VWA3B: variants seen among roughly 807,000 people sequenced by gnomAD.
VWA3B encodes the protein von Willebrand factor A domain-containing protein 3B.
In VWA3B, 138 loss-of-function variants were observed where a neutral mutation model predicts 158.3. The ratio of observed to expected loss-of-function variants is 0.87; its 90% CI spans 0.76 to 1.00. The LOEUF is 1.00. Ranked by LOEUF, VWA3B falls within the 50% of genes least tolerant of loss-of-function variation. VWA3B has a pLI of 0.00. For missense variants in VWA3B, 1,555 were observed against 1,565.1 expected (o/e 0.99, Z 0.11); for synonymous variants, 596 against 587.3 (o/e 1.01, Z -0.21).
At chr2:98,110,964 T>TAG (rs986362243) in intron 2 of VWA3B, among the ~76,000 whole-genome samples, 2 of 152,236 alleles carry the variant, frequency 1.3e-5, no homozygotes, top group Non-Finnish European at 2.9e-5. Flanking sequence ...AAGATGTGAC[T>TAG]TGCTCCTCCT....
chr2:98,282,081 G>A (rs1468057898), intron 22 of VWA3B, among the ~76,000 whole-genome samples: 4 of 152,120 alleles, frequency 2.6e-5, no homozygotes, highest in Admixed American at 2.6e-4. Flanking sequence ...TTAACTGTAC[G>A]GCACCCCGAA....
rs773995335 is a variant in VWA3B at position 98,300,194 on chromosome 2, T to C, written c.3398T>C (p.Val1133Ala). 6.2e-7 allele frequency: 1 copy of C among 1,614,186 alleles called. No individual in the cohort carries two copies. Among genetic ancestry groups the C allele is most frequent in the African/African-American group, 1.3e-5 (1 of 75,028 alleles). ...GTGGCCACAGAAAAATTCTACACAG[T>C]TTTGAAGTGTAACAACCGGAGAGTA... ...KHVATEKFYT[V>A]LKCNNRREFC... The change falls in exon 25 of 28, where the codon GTT (valine) becomes GCT (alanine). Residue 1133 changes from valine (V) to alanine (A), a missense_variant. Transcript: ENST00000477737.
intron 8 of VWA3B, among the ~76,000 whole-genome samples, chr2:98,174,221 A>G (rs1345106965): frequency 6.6e-6 from 1 of 152,336 alleles, no homozygotes; most frequent in East Asian, 1.9e-4. Flanking sequence ...ATTAAATCTC[A>G]GTAAGAATAG....
At chr2:98,087,467 C>T (rs570376764) in intron 1 of VWA3B, 104 bp downstream of exon 1, 1 of 152,370 alleles carries the variant, frequency 6.6e-6, no homozygotes, top group South Asian at 2.1e-4. Flanking sequence ...CTGAGGTGGA[C>T]TACACGCCCA....
chr2:98,313,819 A>G (rs904102923), downstream of VWA3B, among the ~76,000 whole-genome samples: 3 of 152,112 alleles, frequency 2.0e-5, no homozygotes, highest in Admixed American at 2.0e-4. Context: ...AAATATATAC[A>G]ATGCTAGTTG....
intron 8 of VWA3B, among the ~76,000 whole-genome samples, chr2:98,176,062 T>A (rs1679989880): frequency 6.6e-6 from 1 of 152,200 alleles, no homozygotes. Context: ...CAGATTGGGA[T>A]GGGCTTCATC....
chr2:98,309,844 G>T (rs1164170971), intron 26 of VWA3B, among the ~76,000 whole-genome samples: 1 of 152,150 alleles, frequency 6.6e-6, no homozygotes, highest in African/African-American at 2.4e-5. Context: ...GTCCCCTCTG[G>T]TTGGATTAGG....
chr2:98,319,220 A>G, the VWA3B span, among the ~76,000 whole-genome samples: 1 of 146,054 alleles, frequency 6.8e-6, no homozygotes, highest in Admixed American at 6.8e-5. Context: ...TGGATAAAAG[A>G]AAAAAAAAAA....
At chr2:98,238,870 A>G (rs1427651131) in intron 19 of VWA3B, among the ~76,000 whole-genome samples, 2 of 152,322 alleles carry the variant, frequency 1.3e-5, no homozygotes, top group East Asian at 3.9e-4. Context: ...TGAGAAAATG[A>G]CAAATACTGG....
rs750513125 is a variant in VWA3B at position 98,300,268 on chromosome 2, G to T, written c.3420+52G>T. On this transcript the variant is annotated intron_variant, in intron 25 of 27. Coordinates refer to ENST00000477737, the MANE Select transcript of VWA3B (RefSeq NM_144992.5). ...ACTTTCTCCTGGGCAATGCCAGGCT[G>T]TATCCTGGCACTGCCAGGCTTCTTG... 2.5e-6 allele frequency: 4 copies of T among 1,603,394 alleles called. No individual in the cohort carries two copies. The East Asian group carries it at 8.9e-5, about 36-fold the overall frequency.
rs1296699567 is a variant in VWA3B at position 98,194,499 on chromosome 2, T to G, written c.1737+7T>G. 3 of 1,613,224 alleles carry G rather than the reference T, an allele frequency of 1.9e-6. No homozygotes were observed. The highest frequency in any genetic ancestry group is 2.5e-6 in the Non-Finnish European group (3 of 1,179,312). On this transcript the variant is annotated splice_region_variant and intron_variant, in intron 12 of 27. Coordinates refer to ENST00000477737, the MANE Select transcript of VWA3B (RefSeq NM_144992.5). Reference sequence around the variant, plus strand: ...CTGGATTAGAGACATAAAGGTAAGTTGGAGACTAAGCTGGGAGAAGCATCC... The same window carrying G: ...CTGGATTAGAGACATAAAGGTAAGTGGGAGACTAAGCTGGGAGAAGCATCC...
At chr2:98,177,470 G>T (rs1239576502) in intron 8 of VWA3B, among the ~76,000 whole-genome samples, 2 of 152,188 alleles carry the variant, frequency 1.3e-5, no homozygotes, top group Admixed American at 6.5e-5. Context: ...AGTGACGCTA[G>T]TGAATGGATG....
chr2:98,255,180 A>ATTTTTTTTTT lies in VWA3B; in HGVS notation c.2793-943_2793-942insTTTTTTTTTT, dbSNP rs1302034902. On this transcript the variant is annotated intron_variant, in intron 20 of 27. Coordinates refer to ENST00000477737, the MANE Select transcript of VWA3B (RefSeq NM_144992.5). ...AGTCGCCCGCCACCACGCCCGGCTG[A>ATTTTTTTTTT]TATTTTTTTTTTTTTTTTTTTTTTT... Among the ~76,000 whole-genome samples the ATTTTTTTTTT allele has an allele frequency of 7.9e-4, 52 of 65,872 alleles. 8 individuals carry two copies. Among genetic ancestry groups the ATTTTTTTTTT allele is most frequent in the African/African-American group, 3.2e-3 (49 of 15,222 alleles). The allele number at this position is 65,872 out of a possible 152,430, so 43.2% of individuals were successfully genotyped here.
intron 19 of VWA3B, among the ~76,000 whole-genome samples, chr2:98,240,294 C>T (rs1389113644): frequency 6.6e-6 from 1 of 152,152 alleles, no homozygotes; most frequent in Non-Finnish European, 1.5e-5. Context: ...TCTTAGAGCC[C>T]TTTCCATACA....
intron 10 of VWA3B, among the ~76,000 whole-genome samples, chr2:98,190,949 C>T (rs1445000741): frequency 6.6e-6 from 1 of 152,096 alleles, no homozygotes; most frequent in East Asian, 1.9e-4. Flanking sequence ...CTCCCCCTCT[C>T]TTCTCCTTCT....
chr2:98,115,547 A>G, intron 2 of VWA3B, 105 bp from the exon 3 acceptor site: 2 of 803,768 alleles, frequency 2.5e-6, no homozygotes, highest in East Asian at 5.3e-5. Flanking sequence ...TATTGATGGC[A>G]CAAGATATAA....
intron 7 of VWA3B, among the ~76,000 whole-genome samples, chr2:98,158,551 G>GT (rs1330173663): frequency 6.6e-6 from 1 of 152,210 alleles, no homozygotes; most frequent in East Asian, 1.9e-4. Context: ...GGAATTGGAG[G>GT]TTGAGTGACA....
intron 21 of VWA3B, among the ~76,000 whole-genome samples, chr2:98,260,538 G>A (rs1469454582): frequency 6.6e-6 from 1 of 151,794 alleles, no homozygotes; most frequent in African/African-American, 2.4e-5. Flanking sequence ...ACAGAAAGAT[G>A]TGTGTAGGTT....
At chr2:98,132,976 C>G (rs1179849474) in intron 6 of VWA3B, among the ~76,000 whole-genome samples, 1 of 152,208 alleles carries the variant, frequency 6.6e-6, no homozygotes, top group Non-Finnish European at 1.5e-5. Flanking sequence ...GTGTGTGGTG[C>G]TAGGCAGAGA....
Sources: allele counts gnomAD v4.1 joint callset (sites outside exome capture counted in the v4.1 genomes callset), GRCh38; gene constraint gnomAD v4.1.1; transcripts MANE v1.5; gene names NCBI Gene and HGNC (gene_info 2026-07-23, HGNC 2026-07-21).